The following AAMDC variants were observed in gnomAD, a reference collection of about 807,000 sequenced individuals.
AAMDC encodes mth938 domain-containing protein.
A neutral mutation model predicts 15.5 loss-of-function variants in AAMDC; 16 were observed. The observed-to-expected ratio is 1.03, with a 90% CI of 0.70 to 1.57. The LOEUF (loss-of-function observed/expected upper bound fraction) is 1.57. AAMDC is among the 40% of genes most tolerant of loss of function. AAMDC has a pLI of 0.00. For synonymous variants in AAMDC, 51 were observed against 51.6 expected, an observed-to-expected ratio of 0.99 and a Z score of 0.05; for missense variants, 141 against 144.9, an observed-to-expected ratio of 0.97 and a Z score of 0.14.
At chr11:77,891,139 C>T (rs910276193) in intron 5 of AAMDC, among the ~76,000 whole-genome samples, 3 of 152,154 alleles carry the variant, frequency 2.0e-5, no homozygotes, top group Non-Finnish European at 2.9e-5. Flanking sequence ...TTTAAAGTAA[C>T]TTGCTCCAAA....
intron 5 of AAMDC, among the ~76,000 whole-genome samples, chr11:77,879,711 G>A (rs1447461106): frequency 6.6e-6 from 1 of 152,102 alleles, no homozygotes; most frequent in Non-Finnish European, 1.5e-5. Flanking sequence ...CTATGTGGCA[G>A]GTCCTAGCAA....
intron 1 of AAMDC, among the ~76,000 whole-genome samples, chr11:77,834,474 A>G (rs1283040701): frequency 7.7e-6 from 1 of 130,562 alleles, no homozygotes; most frequent in African/African-American, 2.9e-5. Context: ...AGACAGAGTC[A>G]TGCAGTCTCG....
chr11:77,865,628 G>A (rs918679007), intron 2 of AAMDC, among the ~76,000 whole-genome samples: 3 of 152,162 alleles, frequency 2.0e-5, no homozygotes, highest in Non-Finnish European at 4.4e-5. Flanking sequence ...CCAGAAAATG[G>A]GCAGAATGGA....
intron 1 of AAMDC, among the ~76,000 whole-genome samples, chr11:77,840,028 AAAAT>A (rs1189001207): frequency 6.6e-6 from 1 of 152,154 alleles, no homozygotes; most frequent in Non-Finnish European, 1.5e-5. Flanking sequence ...GCAAAAAAGC[AAAAT>A]AAAGACCAGG....
At chr11:77,823,760 TA>T (rs1338049097) in intron 1 of AAMDC, among the ~76,000 whole-genome samples, 2 of 151,900 alleles carry the variant, frequency 1.3e-5, no homozygotes, top group African/African-American at 4.8e-5. Context: ...TATTTTAAAA[TA>T]AAATTGTATC....
intron 2 of AAMDC, among the ~76,000 whole-genome samples, chr11:77,854,661 GGCT>G (rs1194568375): frequency 2.6e-5 from 4 of 152,198 alleles, no homozygotes; most frequent in African/African-American, 7.2e-5. Flanking sequence ...CAACCCCTGT[GGCT>G]GCTTTCGTGG....
chr11:77,821,953 G>A (rs965408892), intron 1 of AAMDC, among the ~76,000 whole-genome samples: 1 of 151,682 alleles, frequency 6.6e-6, no homozygotes, highest in African/African-American at 2.4e-5. Context: ...TACATCATAC[G>A]GTATTACTAG....
chr11:77,826,506 T>A (rs1256554041), intron 1 of AAMDC, among the ~76,000 whole-genome samples: 14 of 152,200 alleles, frequency 9.2e-5, no homozygotes, highest in Non-Finnish European at 2.1e-4. Flanking sequence ...AGGCCTGATA[T>A]TCACTTGTAT....
intron 5 of AAMDC, chr11:77,878,563 G>A (rs561178527): frequency 1.1e-4 from 56 of 504,592 alleles, no homozygotes; most frequent in Admixed American, 7.0e-4. Context: ...CAAACACACC[G>A]TCACTTTAAG....
chr11:77,830,478 A>AC (rs1949370906), intron 1 of AAMDC, among the ~76,000 whole-genome samples: 1 of 105,486 alleles, frequency 9.5e-6, no homozygotes, highest in East Asian at 3.3e-4. Flanking sequence ...GACGACACCC[A>AC]CCCCCCACCC....
At chr11:77,847,635 C>T (rs1423260747) in intron 2 of AAMDC, among the ~76,000 whole-genome samples, 1 of 152,152 alleles carries the variant, frequency 6.6e-6, no homozygotes, top group African/African-American at 2.4e-5. Context: ...CAAATGGCTC[C>T]ATCAGAGTGA....
chr11:77,900,419 T>C (rs1235449397), intron 5 of AAMDC, among the ~76,000 whole-genome samples: 2 of 152,166 alleles, frequency 1.3e-5, no homozygotes, highest in Admixed American at 1.3e-4. Flanking sequence ...ATCTTTAAGA[T>C]TAAATGATTC....
In AAMDC at chr11:77,892,574, C is replaced by T. The variant is rs1952320135; in HGVS notation, c.329-7997C>T. ...GCATGAACTTATTTCAGATTCAAAA[C>T]TAGAATTTTTTTTTAATTTTCTTTT... On this transcript the variant is annotated intron_variant, in intron 5 of 5. Transcript: ENST00000304716. 2.0e-5 allele frequency among the ~76,000 whole-genome samples: 3 copies of T among 152,180 alleles called. No individual in the cohort carries two copies. The South Asian group carries it at 6.2e-4, about 32-fold the overall frequency.
At chr11:77,859,691 T>C (rs1301887306) in intron 2 of AAMDC, among the ~76,000 whole-genome samples, 1 of 152,180 alleles carries the variant, frequency 6.6e-6, no homozygotes, top group Non-Finnish European at 1.5e-5. Flanking sequence ...AGTATACAAG[T>C]TGAGGTTGGG....
chr11:77,843,563 C>A (rs773196011), intron 2 of AAMDC, among the ~76,000 whole-genome samples: 1 of 152,158 alleles, frequency 6.6e-6, no homozygotes, highest in Non-Finnish European at 1.5e-5. Context: ...TATCTTGACG[C>A]CTCCACTGTA....
chr11:77,869,284 C>G, intron 2 of AAMDC: 1 of 170,926 alleles, frequency 5.9e-6, no homozygotes, highest in Non-Finnish European at 1.2e-5. Flanking sequence ...TGCCTTGTTT[C>G]CCGGATTTCG....
intron 1 of AAMDC, among the ~76,000 whole-genome samples, chr11:77,836,794 C>T (rs1949701268): frequency 1.3e-5 from 2 of 152,106 alleles, no homozygotes; most frequent in African/African-American, 4.8e-5. Flanking sequence ...GGAGAAACGC[C>T]ATCTCTACTA....
intron 5 of AAMDC, among the ~76,000 whole-genome samples, chr11:77,883,610 A>G (rs1210939460): frequency 2.0e-5 from 3 of 152,130 alleles, no homozygotes; most frequent in African/African-American, 4.8e-5. Flanking sequence ...ATATCTTCCA[A>G]CAGAATCTTA....
At chr11:77,848,297 C>A (rs955504053) in intron 2 of AAMDC, among the ~76,000 whole-genome samples, 1 of 152,130 alleles carries the variant, frequency 6.6e-6, no homozygotes, top group Non-Finnish European at 1.5e-5. Context: ...TCAGAAATGG[C>A]TTTAGTGCTG....
Sources: allele counts gnomAD v4.1 joint callset (sites outside exome capture counted in the v4.1 genomes callset), GRCh38; gene constraint gnomAD v4.1.1; transcripts MANE v1.5; gene names NCBI Gene and HGNC (gene_info 2026-07-23, HGNC 2026-07-21).